ABCD3: variants seen among roughly 807,000 people sequenced by gnomAD.
ABCD3 encodes the protein ATP binding cassette subfamily D member 3.
Under a neutral mutation model 105.5 loss-of-function variants are expected in ABCD3, and 41 were observed. That is an observed-to-expected ratio of 0.39 (90% CI 0.30 to 0.50). The LOEUF is 0.50. ABCD3 is among the 20% of genes least tolerant of loss of function. The pLI, the probability that ABCD3 is intolerant of heterozygous loss-of-function variation, is 0.84. For synonymous variants in ABCD3, 258 were observed against 269.0 expected (o/e 0.96, Z 0.40); for missense variants, 622 against 806.3 (o/e 0.77, Z 2.77).
At chr1:94,474,907 G>A (rs1648659818) in intron 5 of ABCD3, among the ~76,000 whole-genome samples, 1 of 152,058 alleles carries the variant, frequency 6.6e-6, no homozygotes, top group South Asian at 2.1e-4. Flanking sequence ...GGCAAGGTAT[G>A]TCGCGTAATT....
chr1:94,445,128 A>G (rs2100924131), intron 1 of ABCD3, among the ~76,000 whole-genome samples: 1 of 152,346 alleles, frequency 6.6e-6, no homozygotes, highest in Admixed American at 6.5e-5. Context: ...CAATGCTTAT[A>G]CTGGCTTGCT....
intron 1 of ABCD3, among the ~76,000 whole-genome samples, chr1:94,436,647 G>A (rs1257780497): frequency 6.6e-6 from 1 of 152,142 alleles, no homozygotes; most frequent in East Asian, 1.9e-4. Context: ...CCAACAGCAT[G>A]TGCTCACTTC....
the ABCD3 span, among the ~76,000 whole-genome samples, chr1:94,394,707 C>T: frequency 1.3e-5 from 2 of 152,186 alleles, no homozygotes; most frequent in South Asian, 2.1e-4. Flanking sequence ...AATGTCTCCA[C>T]CACGTGTCTT....
intron 21 of ABCD3, among the ~76,000 whole-genome samples, chr1:94,511,612 G>A (rs1570842763): frequency 6.6e-6 from 1 of 152,056 alleles, no homozygotes; most frequent in Admixed American, 6.6e-5. Context: ...CATTCTCCCC[G>A]TCACTTTCAG....
At chr1:94,447,441 A>C (rs1223049267) in intron 1 of ABCD3, among the ~76,000 whole-genome samples, 1 of 152,218 alleles carries the variant, frequency 6.6e-6, no homozygotes, top group Non-Finnish European at 1.5e-5. Flanking sequence ...TTTCTTTACT[A>C]TCCCCTTAGC....
chr1:94,428,442 A>G (rs1276987881), intron 1 of ABCD3, among the ~76,000 whole-genome samples: 2 of 152,238 alleles, frequency 1.3e-5, no homozygotes, highest in Non-Finnish European at 1.5e-5. Flanking sequence ...TCAACATGTT[A>G]TGTTTATAAT....
At chr1:94,492,730 C>T (rs1649594037) in intron 16 of ABCD3, among the ~76,000 whole-genome samples, 1 of 152,080 alleles carries the variant, frequency 6.6e-6, no homozygotes, top group Non-Finnish European at 1.5e-5. Flanking sequence ...TCCTACTTAC[C>T]CTCACTTCTG....
chr1:94,473,937 T>C (rs941536023), intron 5 of ABCD3, 102 bp downstream of exon 5: 1 of 849,438 alleles, frequency 1.2e-6, no homozygotes, highest in Non-Finnish European at 1.9e-6. Flanking sequence ...CTTATGATAC[T>C]AAGTTCCTAT....
chr1:94,414,904 T>G (rs1658970536), upstream of ABCD3, among the ~76,000 whole-genome samples: 1 of 152,218 alleles, frequency 6.6e-6, no homozygotes, highest in Non-Finnish European at 1.5e-5. Context: ...GTCAGGAATT[T>G]AGCAGCATCT....
chr1:94,500,950 AAAG>A (rs1186014889), intron 20 of ABCD3, among the ~76,000 whole-genome samples: 2 of 152,170 alleles, frequency 1.3e-5, no homozygotes, highest in East Asian at 1.9e-4. Context: ...TAACTGCAAA[AAAG>A]AGCTGCAAAA....
chr1:94,458,485 C>G, intron 1 of ABCD3, 122 bp from the exon 2 acceptor site: 1 of 856,328 alleles, frequency 1.2e-6, no homozygotes, highest in Non-Finnish European at 1.9e-6. Flanking sequence ...TTCTATCTCA[C>G]TATGATGTGA....
At chr1:94,489,536 C>T (rs1398625440) in intron 13 of ABCD3, among the ~76,000 whole-genome samples, 189 bp from the exon 14 acceptor site, 2 of 151,468 alleles carry the variant, frequency 1.3e-5, no homozygotes, top group African/African-American at 4.9e-5. Flanking sequence ...TTCCTTCATC[C>T]CTATATTCCT....
intron 15 of ABCD3, among the ~76,000 whole-genome samples, chr1:94,490,960 A>G (rs113034959): frequency 1.1e-4 from 17 of 152,022 alleles, no homozygotes; most frequent in African/African-American, 4.1e-4. Context: ...TCATCCTAAC[A>G]GGTGAGAGGT....
chr1:94,419,454 A>G (rs1383701893), intron 1 of ABCD3: 2 of 640,248 alleles, frequency 3.1e-6, no homozygotes, highest in Non-Finnish European at 3.9e-6. Context: ...TACGGTTGCG[A>G]CATACAGGTA....
chr1:94,503,427 G>A (rs189244057), intron 20 of ABCD3, among the ~76,000 whole-genome samples: 20 of 152,208 alleles, frequency 1.3e-4, no homozygotes, highest in Non-Finnish European at 1.5e-5. Flanking sequence ...CTTGAGAAAG[G>A]CAAATACTTC....
At chr1:94,460,271 G>C (rs978869037) in intron 2 of ABCD3, among the ~76,000 whole-genome samples, 4 of 152,040 alleles carry the variant, frequency 2.6e-5, no homozygotes, top group African/African-American at 9.7e-5. Context: ...CTCACATCTG[G>C]TATGTTAAGT....
chr1:94,452,041 G>C (rs897089493), intron 1 of ABCD3, among the ~76,000 whole-genome samples: 4 of 152,048 alleles, frequency 2.6e-5, no homozygotes, highest in African/African-American at 9.7e-5. Flanking sequence ...CTGATCTTGG[G>C]ATAATCCTTG....
At chr1:94,500,718 A>G (rs1032111048) in intron 20 of ABCD3, among the ~76,000 whole-genome samples, 1 of 152,050 alleles carries the variant, frequency 6.6e-6, no homozygotes, top group Non-Finnish European at 1.5e-5. Context: ...TGATTTTGCA[A>G]GTTGTTTTTC....
At chr1:94,425,076 T>G (rs1659410310) in intron 1 of ABCD3, among the ~76,000 whole-genome samples, 1 of 152,176 alleles carries the variant, frequency 6.6e-6, no homozygotes, top group Non-Finnish European at 1.5e-5. Flanking sequence ...ATTTATGAGC[T>G]CTTTAGGAGC....
Sources: gnomAD v4.1 joint callset for allele counts (sites outside exome capture counted in the v4.1 genomes callset) on GRCh38, gnomAD v4.1.1 for gene constraint, MANE v1.5 for transcripts, NCBI Gene and HGNC (gene_info 2026-07-23, HGNC 2026-07-21) for gene names.